The following RSBN1L variants were observed in gnomAD, a reference collection of about 807,000 sequenced individuals.
The protein encoded by RSBN1L is round spermatid basic protein 1 like, also known as lysine-specific demethylase RSBN1L.
In RSBN1L, 30 loss-of-function variants were observed where a neutral mutation model predicts 67.7. The observed-to-expected ratio is 0.44, with a 90% CI of 0.33 to 0.60. RSBN1L has a LOEUF of 0.60. RSBN1L is among the 20% of genes least tolerant of loss of function. The pLI is 0.02. For synonymous variants in RSBN1L, 433 were observed against 387.0 expected, an observed-to-expected ratio of 1.12 and a Z score of -1.39; for missense variants, 992 against 1,031.7, an observed-to-expected ratio of 0.96 and a Z score of 0.53.
intron 6 of RSBN1L, among the ~76,000 whole-genome samples, chr7:77,777,829 C>T (rs117993898): frequency 0.012 from 1,851 of 152,118 alleles, 16 homozygotes; most frequent in Middle Eastern, 0.034. Context: ...TGAGTAACCT[C>T]AGCAAATACC....
At chr7:77,765,313 T>C (rs572432525) in intron 3 of RSBN1L, among the ~76,000 whole-genome samples, 182 bp from the exon 4 acceptor site, 17 of 152,368 alleles carry the variant, frequency 1.1e-4, no homozygotes, top group African/African-American at 4.1e-4. Context: ...TTAAAATGCC[T>C]TATCTGTTAC....
At chr7:77,716,984 A>G (rs763408458) in intron 1 of RSBN1L, among the ~76,000 whole-genome samples, 1 of 128,702 alleles carries the variant, frequency 7.8e-6, no homozygotes, top group Non-Finnish European at 1.7e-5. Flanking sequence ...CAAAGGAGAC[A>G]GGGTCTTGCT....
At chr7:77,767,164 A>T (rs1355566482) in intron 4 of RSBN1L, among the ~76,000 whole-genome samples, 1 of 151,190 alleles carries the variant, frequency 6.6e-6, no homozygotes, top group Non-Finnish European at 1.5e-5. Context: ...CCTGGGCTCA[A>T]GCAGTCCTCC....
At chr7:77,697,511 G>GGAGA (rs1790754753) in intron 1 of RSBN1L, among the ~76,000 whole-genome samples, 1 of 152,280 alleles carries the variant, frequency 6.6e-6, no homozygotes, top group South Asian at 2.1e-4. Flanking sequence ...AAAGGGGTGT[G>GGAGA]GAGAGAGCAC....
chr7:77,760,528 T>C (rs1382317497), intron 3 of RSBN1L, among the ~76,000 whole-genome samples: 1 of 152,246 alleles, frequency 6.6e-6, no homozygotes, highest in East Asian at 1.9e-4. Context: ...TATTGTGTTC[T>C]GACACATCTA....
intron 1 of RSBN1L, among the ~76,000 whole-genome samples, chr7:77,703,435 A>G (rs1790843742): frequency 6.9e-6 from 1 of 145,874 alleles, no homozygotes; most frequent in African/African-American, 2.6e-5. Flanking sequence ...TAGTTATGTC[A>G]GACGTGGAGT....
At chr7:77,742,218 C>T (rs1791422979) in intron 2 of RSBN1L, among the ~76,000 whole-genome samples, 2 of 146,082 alleles carry the variant, frequency 1.4e-5, no homozygotes, top group African/African-American at 2.5e-5. Flanking sequence ...CACACACACA[C>T]GGCAAGAATC....
intron 1 of RSBN1L, among the ~76,000 whole-genome samples, chr7:77,716,961 CTT>C (rs150026745): frequency 8.0e-6 from 1 of 124,772 alleles, no homozygotes. Context: ...TTCTTACATT[CTT>C]TTTTTTTTTT....
At chr7:77,763,361 A>G (rs1160476585) in intron 3 of RSBN1L, among the ~76,000 whole-genome samples, 2 of 152,166 alleles carry the variant, frequency 1.3e-5, no homozygotes, top group African/African-American at 4.8e-5. Flanking sequence ...CACTTTCTAA[A>G]TGGTTATCGT....
At chr7:77,701,166 AAAAAC>A (rs1388787509) in intron 1 of RSBN1L, among the ~76,000 whole-genome samples, 2 of 115,368 alleles carry the variant, frequency 1.7e-5, no homozygotes, top group Non-Finnish European at 3.6e-5. Flanking sequence ...AAAAAAAAAA[AAAAAC>A]AACAACAACA....
chr7:77,742,241 A>G (rs554895366), intron 2 of RSBN1L, among the ~76,000 whole-genome samples: 5 of 150,668 alleles, frequency 3.3e-5, no homozygotes, highest in Admixed American at 1.3e-4. Flanking sequence ...TCTTTAAAAA[A>G]ATATACAGAC....
chr7:77,725,810 G>A (rs1417058941), intron 1 of RSBN1L, among the ~76,000 whole-genome samples: 1 of 151,338 alleles, frequency 6.6e-6, no homozygotes, highest in Admixed American at 6.6e-5. Context: ...GGTTGGTCTG[G>A]AACTCCTGAC....
intron 1 of RSBN1L, among the ~76,000 whole-genome samples, chr7:77,722,181 G>A (rs1791128716): frequency 6.6e-6 from 1 of 152,080 alleles, no homozygotes; most frequent in Non-Finnish European, 1.5e-5. Flanking sequence ...ATGATATTTT[G>A]GTGTTAAATA....
intron 1 of RSBN1L, among the ~76,000 whole-genome samples, chr7:77,727,357 G>T (rs1791218073): frequency 6.6e-6 from 1 of 152,208 alleles, no homozygotes; most frequent in Non-Finnish European, 1.5e-5. Context: ...GAAGTGCTGG[G>T]ATTACAGGCG....
intron 2 of RSBN1L, among the ~76,000 whole-genome samples, chr7:77,741,071 C>G (rs559272400): frequency 2.0e-5 from 3 of 149,160 alleles, no homozygotes; most frequent in Non-Finnish European, 4.4e-5. Flanking sequence ...ACTGTAACCT[C>G]TGTTTCCCGG....
intron 2 of RSBN1L, among the ~76,000 whole-genome samples, chr7:77,743,594 T>G (rs2150423626): frequency 6.6e-6 from 1 of 152,258 alleles, no homozygotes; most frequent in Non-Finnish European, 1.5e-5. Context: ...CTGTTCTATT[T>G]CAAACTAATG....
chr7:77,762,679 A>T (rs1204777355), intron 3 of RSBN1L, among the ~76,000 whole-genome samples: 2 of 151,958 alleles, frequency 1.3e-5, no homozygotes, highest in Non-Finnish European at 2.9e-5. Flanking sequence ...GTTTTACCCA[A>T]TTTTTTCCTG....
Position 77,774,734 on chromosome 7 carries a change from G to A in RSBN1L, c.1793+1420G>A, listed in dbSNP as rs147235918. Among the ~76,000 whole-genome samples, 262 of 152,214 alleles carry A rather than the reference G, an allele frequency of 1.7e-3. 1 individual carries two copies. Among genetic ancestry groups the A allele is most frequent in the Middle Eastern group, 0.01 (3 of 294 alleles). ...CCTGGGGCGACAAGAGCAAAACTCC[G>A]TCCCACCACCAACAACAACAAAAAA... On this transcript the variant is annotated intron_variant, in intron 6 of 7. Transcript: ENST00000334955.
At chr7:77,751,402 A>T (rs1025419139) in intron 3 of RSBN1L, among the ~76,000 whole-genome samples, 1 of 152,224 alleles carries the variant, frequency 6.6e-6, no homozygotes, top group Non-Finnish European at 1.5e-5. Flanking sequence ...GGCCTCCCAA[A>T]GTGTGGGGAT....
Sources: gnomAD v4.1 joint callset for allele counts (sites outside exome capture counted in the v4.1 genomes callset) on GRCh38, gnomAD v4.1.1 for gene constraint, MANE v1.5 for transcripts, NCBI Gene and HGNC (gene_info 2026-07-23, HGNC 2026-07-21) for gene names.